The following UBA2 variants were observed in gnomAD, a reference collection of about 807,000 sequenced individuals.
UBA2 encodes ubiquitin like modifier activating enzyme 2.
A neutral mutation model predicts 77.2 loss-of-function variants in UBA2; 11 were observed. The observed-to-expected ratio is 0.14, with a 90% CI of 0.09 to 0.24. UBA2 has a LOEUF of 0.24. UBA2 is among the 10% of genes least tolerant of loss of function. UBA2 has a pLI of 1.00. For synonymous variants in UBA2, 278 were observed against 276.7 expected, an observed-to-expected ratio of 1.00 and a Z score of -0.05; for missense variants, 487 against 781.7, an observed-to-expected ratio of 0.62 and a Z score of 4.50.
intron 14 of UBA2, among the ~76,000 whole-genome samples, chr19:34,463,461 G>C (rs1374884268): frequency 6.6e-6 from 1 of 152,160 alleles, no homozygotes; most frequent in Non-Finnish European, 1.5e-5. Flanking sequence ...GTGCTGGCAG[G>C]TTTGTTTTAT....
At chr19:34,438,881 A>C (rs1358830914) in intron 6 of UBA2, 115 bp downstream of exon 6, 1 of 1,351,464 alleles carries the variant, frequency 7.4e-7, no homozygotes, top group Non-Finnish European at 1.0e-6. Flanking sequence ...TGGTGAAGGG[A>C]TGCTTTAGTA....
chr19:34,460,637 A>T (rs2075620984), intron 14 of UBA2, 71 bp downstream of exon 14: 4 of 1,105,536 alleles, frequency 3.6e-6, no homozygotes, highest in Non-Finnish European at 5.3e-6. Flanking sequence ...TAGTTGATTC[A>T]TTTACTGTAT....
intron 1 of UBA2, among the ~76,000 whole-genome samples, chr19:34,429,713 G>C (rs1005887788): frequency 2.0e-5 from 3 of 151,950 alleles, no homozygotes; most frequent in Non-Finnish European, 2.9e-5. Context: ...GTGTGCGCCT[G>C]TGGTCCCAGC....
intron 5 of UBA2, among the ~76,000 whole-genome samples, chr19:34,436,686 A>G (rs1015295044): frequency 6.6e-6 from 1 of 152,112 alleles, no homozygotes; most frequent in African/African-American, 2.4e-5. Flanking sequence ...TAAATATTGT[A>G]GTTACATTTG....
At chr19:34,438,578 A>G in intron 5 of UBA2, 67 bp from the exon 6 acceptor site, 1 of 1,580,810 alleles carries the variant, frequency 6.3e-7, no homozygotes, top group Non-Finnish European at 8.6e-7. Context: ...TGAAGTGTTT[A>G]TATTACCTTA....
intron 12 of UBA2, among the ~76,000 whole-genome samples, chr19:34,456,052 C>T (rs997759970): frequency 8.0e-5 from 12 of 150,088 alleles, no homozygotes; most frequent in Non-Finnish European, 1.5e-4. Flanking sequence ...GCTGGGATTA[C>T]AGGTGTGAGC....
At chr19:34,459,314 T>C (rs2075605829) in intron 13 of UBA2, among the ~76,000 whole-genome samples, 2 of 152,216 alleles carry the variant, frequency 1.3e-5, no homozygotes, top group Non-Finnish European at 2.9e-5. Context: ...AAAGTTTGCA[T>C]TTCCAGTAGA....
intron 14 of UBA2, among the ~76,000 whole-genome samples, chr19:34,461,012 C>A (rs2145561844): frequency 6.6e-6 from 1 of 152,302 alleles, no homozygotes; most frequent in South Asian, 2.1e-4. Flanking sequence ...AAAGTTCAAG[C>A]AGTTCATCCC....
At chr19:34,450,766 T>G (rs2075485360) in intron 9 of UBA2, among the ~76,000 whole-genome samples, 2 of 143,350 alleles carry the variant, frequency 1.4e-5, no homozygotes, top group African/African-American at 5.4e-5. Context: ...TTTTTTTTTT[T>G]GAGACCGTGT....
chr19:34,449,213 G>A (rs2075465778), intron 8 of UBA2, among the ~76,000 whole-genome samples: 1 of 151,814 alleles, frequency 6.6e-6, no homozygotes, highest in Non-Finnish European at 1.5e-5. Context: ...GGGATTACAG[G>A]CACGCGCCAC....
At chr19:34,430,349 T>G (rs893995609) in intron 1 of UBA2, among the ~76,000 whole-genome samples, 1 of 152,232 alleles carries the variant, frequency 6.6e-6, no homozygotes, top group Non-Finnish European at 1.5e-5. Context: ...AATATACCAT[T>G]CTTTCAAAGT....
At chr19:34,461,452 C>A (rs1268469760) in intron 14 of UBA2, among the ~76,000 whole-genome samples, 1 of 152,130 alleles carries the variant, frequency 6.6e-6, no homozygotes, top group Non-Finnish European at 1.5e-5. Context: ...CTGTGTGGTG[C>A]TCTATTTTAG....
intron 12 of UBA2, among the ~76,000 whole-genome samples, chr19:34,458,558 C>CAAAAAAA (rs60349858): frequency 4.3e-4 from 26 of 60,632 alleles, no homozygotes; most frequent in African/African-American, 2.0e-3. Context: ...GACTCCGTCT[C>CAAAAAAA]AAAAAAAAAA....
At chr19:34,461,121 A>G (rs1187494656) in intron 14 of UBA2, among the ~76,000 whole-genome samples, 1 of 151,988 alleles carries the variant, frequency 6.6e-6, no homozygotes, top group East Asian at 1.9e-4. Context: ...TTCAGACTGT[A>G]CTCGTTGATC....
intron 3 of UBA2, 108 bp from the exon 4 acceptor site, chr19:34,433,240 T>A (rs1268036781): frequency 5.4e-6 from 4 of 740,274 alleles, no homozygotes; most frequent in Admixed American, 2.3e-5. Context: ...AATCCTGATA[T>A]CAGTTTTGTT....
chr19:34,438,914 G>A (rs2075338180), intron 6 of UBA2, 148 bp downstream of exon 6: 2 of 1,154,264 alleles, frequency 1.7e-6, no homozygotes. Context: ...TATTTCTTAG[G>A]TTAAATGTAG....
At position 34,470,092 on chromosome 19, in the gene UBA2, T is replaced by TAAA. The variant is rs35033516; in HGVS notation, c.*886_*888dup. 4 of 141,272 alleles carry TAAA rather than the reference T, an allele frequency of 2.8e-5. No homozygotes were observed. Among genetic ancestry groups the TAAA allele is most frequent in the African/African-American group, 5.2e-5 (2 of 38,330 alleles). 8.8% of individuals were successfully genotyped at this position (141,272 alleles called of 1,614,324 possible). A position where few individuals can be genotyped will look rare whatever the true frequency, so the allele number is the denominator to read the frequency against. On this transcript the variant is annotated 3_prime_UTR_variant, in exon 17 of 17. Coordinates refer to ENST00000246548, the MANE Select transcript of UBA2 (RefSeq NM_005499.3). ...CAACATGGTGAAACCCCATCTCTAC[T>TAAA]AAAAAAAAAAAAAAAAATTAGCCGG...
At chr19:34,430,765 C>T (rs1314889171) in intron 2 of UBA2, 106 bp downstream of exon 2, 1 of 781,494 alleles carries the variant, frequency 1.3e-6, no homozygotes, top group Non-Finnish European at 2.2e-6. Flanking sequence ...GTGAAGCTCT[C>T]ATTTCAGCTG....
intron 12 of UBA2, among the ~76,000 whole-genome samples, chr19:34,458,162 A>G (rs2075588849): frequency 6.6e-6 from 1 of 152,128 alleles, no homozygotes; most frequent in South Asian, 2.1e-4. Context: ...CTGTGCCCTT[A>G]CTCTTGCCAA....
Sources: gnomAD v4.1 joint callset for allele counts (sites outside exome capture counted in the v4.1 genomes callset) on GRCh38, gnomAD v4.1.1 for gene constraint, MANE v1.5 for transcripts, NCBI Gene and HGNC (gene_info 2026-07-23, HGNC 2026-07-21) for gene names.